The following MARCHF11 variants were observed in gnomAD, a reference collection of about 807,000 sequenced individuals.
MARCHF11 encodes membrane associated ring-CH-type finger 11.
In MARCHF11, 29 loss-of-function variants were observed where a neutral mutation model predicts 37.3. That is an observed-to-expected ratio of 0.78 (90% confidence interval 0.58 to 1.06). The LOEUF is 1.06. MARCHF11 is among the 50% of genes least tolerant of loss of function. MARCHF11 has a pLI of 0.00. For missense variants in MARCHF11, 482 were observed against 533.4 expected, an observed-to-expected ratio of 0.90 and a Z score of 0.95; for synonymous variants, 233 against 228.0, an observed-to-expected ratio of 1.02 and a Z score of -0.20.
chr5:16,067,818 CA>C, intron 3 of MARCHF11, 25 bp from the exon 4 acceptor site: 1 of 1,578,186 alleles, frequency 6.3e-7, no homozygotes. Flanking sequence ...AATAAAAAAC[CA>C]AAAAGACTGG....
chr5:16,131,190 C>T (rs1737509165), intron 2 of MARCHF11, among the ~76,000 whole-genome samples: 1 of 152,196 alleles, frequency 6.6e-6, no homozygotes, highest in Non-Finnish European at 1.5e-5. Context: ...ATGGCAATGA[C>T]TCCTAATTAA....
chr5:16,148,130 TA>T (rs1006384770), intron 2 of MARCHF11, among the ~76,000 whole-genome samples: 5 of 152,116 alleles, frequency 3.3e-5, no homozygotes, highest in Non-Finnish European at 7.4e-5. Context: ...GTGCAATCTA[TA>T]ACTTTCAACA....
chr5:16,138,027 T>A (rs944396347), intron 2 of MARCHF11, among the ~76,000 whole-genome samples: 2 of 152,174 alleles, frequency 1.3e-5, no homozygotes, highest in Non-Finnish European at 2.9e-5. Context: ...AGCCTGACAA[T>A]GCAATAGAAA....
At position 16,068,666 on chromosome 5, in the gene MARCHF11, A is replaced by C. The variant is rs1579670062; in HGVS notation, c.887-873T>G. ...ATGCACTAGCACATGTGTCATCTCC[A>C]CTATCCACTCCAGATCTGTCACACA... On this transcript the variant is annotated intron_variant, in intron 3 of 3. Transcript: ENST00000332432. Among the ~76,000 whole-genome samples the C allele has an allele frequency of 2.6e-5, 4 of 152,212 alleles. No individual in the cohort carries two copies. In the South Asian group the frequency reaches 8.3e-4, roughly 32 times the overall value.
At chr5:16,156,702 G>A (rs1001919208) in intron 2 of MARCHF11, among the ~76,000 whole-genome samples, 17 of 151,820 alleles carry the variant, frequency 1.1e-4, no homozygotes, top group African/African-American at 4.1e-4. Flanking sequence ...GTGTCATTAA[G>A]TGATTTCGTC....
At chr5:16,096,147 A>C (rs753906061) in intron 2 of MARCHF11, among the ~76,000 whole-genome samples, 25 of 152,314 alleles carry the variant, frequency 1.6e-4, no homozygotes, top group Middle Eastern at 3.4e-3. Flanking sequence ...CACATCCTGT[A>C]TCTGAAAGGA....
chr5:16,090,572 T>C (rs891739271), intron 3 of MARCHF11, among the ~76,000 whole-genome samples: 1 of 152,114 alleles, frequency 6.6e-6, no homozygotes, highest in African/African-American at 2.4e-5. Context: ...TTTGCTCTCA[T>C]TCCTTAGAAA....
intron 2 of MARCHF11, chr5:16,141,048 A>G (rs916817040): frequency 2.6e-5 from 4 of 152,438 alleles, no homozygotes; most frequent in Non-Finnish European, 5.9e-5. Context: ...GGAACTGTAC[A>G]GGATGTGGGG....
At chr5:16,116,645 A>G (rs1216448398) in intron 2 of MARCHF11, among the ~76,000 whole-genome samples, 1 of 152,210 alleles carries the variant, frequency 6.6e-6, no homozygotes, top group East Asian at 1.9e-4. Flanking sequence ...GGATTAAAAA[A>G]AAAAAGTAAA....
intron 2 of MARCHF11, among the ~76,000 whole-genome samples, chr5:16,107,799 G>A (rs1184361461): frequency 2.5e-4 from 38 of 152,064 alleles, no homozygotes; most frequent in Admixed American, 2.5e-3. Flanking sequence ...CAGAGAAACA[G>A]AGAAGGGAAA....
chr5:16,161,221 G>A (rs1174506881), intron 2 of MARCHF11, among the ~76,000 whole-genome samples: 1 of 124,018 alleles, frequency 8.1e-6, no homozygotes, highest in Non-Finnish European at 1.6e-5. Flanking sequence ...ACTTTTAACA[G>A]ATGATCTAAA....
intron 2 of MARCHF11, among the ~76,000 whole-genome samples, chr5:16,127,577 G>T (rs541606275): frequency 2.0e-5 from 3 of 152,176 alleles, no homozygotes; most frequent in Non-Finnish European, 4.4e-5. Flanking sequence ...AAGTTTATTT[G>T]TAGCTTCAAA....
At chr5:16,108,743 G>C (rs929137960) in intron 2 of MARCHF11, among the ~76,000 whole-genome samples, 1 of 152,154 alleles carries the variant, frequency 6.6e-6, no homozygotes, top group Non-Finnish European at 1.5e-5. Context: ...TGGGAGAGTG[G>C]ACAACACAGA....
intron 2 of MARCHF11, among the ~76,000 whole-genome samples, chr5:16,096,692 A>C (rs1736874800): frequency 6.6e-6 from 1 of 152,224 alleles, no homozygotes; most frequent in Non-Finnish European, 1.5e-5. Flanking sequence ...GAAAGCTATG[A>C]ATTTTCTTTA....
At chr5:16,093,431 T>C (rs1369522967) in intron 2 of MARCHF11, among the ~76,000 whole-genome samples, 2 of 152,180 alleles carry the variant, frequency 1.3e-5, no homozygotes, top group Non-Finnish European at 2.9e-5. Context: ...AGACATAGTG[T>C]GGCTAGGCCC....
intron 2 of MARCHF11, among the ~76,000 whole-genome samples, chr5:16,135,732 G>A (rs745633168): frequency 4.0e-4 from 61 of 152,120 alleles, no homozygotes; most frequent in Non-Finnish European, 6.2e-4. Context: ...ATCATACTAC[G>A]TAATACATAC....
intron 2 of MARCHF11, among the ~76,000 whole-genome samples, chr5:16,095,075 TA>T (rs1030789998): frequency 6.6e-6 from 1 of 152,184 alleles, no homozygotes; most frequent in Non-Finnish European, 1.5e-5. Context: ...TTTTACCACT[TA>T]TACTAGACTA....
chr5:16,165,696 CAG>C (rs1330022581), intron 2 of MARCHF11, among the ~76,000 whole-genome samples: 1 of 152,044 alleles, frequency 6.6e-6, no homozygotes, highest in Non-Finnish European at 1.5e-5. Flanking sequence ...CACATCATAT[CAG>C]GGGCAGATGC....
At chr5:16,173,339 C>A (rs1738303000) in intron 2 of MARCHF11, among the ~76,000 whole-genome samples, 1 of 152,138 alleles carries the variant, frequency 6.6e-6, no homozygotes, top group South Asian at 2.1e-4. Flanking sequence ...TTACATGCAC[C>A]CACCTGACAG....
Sources: gnomAD v4.1 joint callset for allele counts (sites outside exome capture counted in the v4.1 genomes callset) on GRCh38, gnomAD v4.1.1 for gene constraint, MANE v1.5 for transcripts, NCBI Gene and HGNC (gene_info 2026-07-23, HGNC 2026-07-21) for gene names.